Variants in KANSL1 observed in about 807,000 individuals in gnomAD.
KANSL1 encodes MLL1/MLL complex subunit KANSL1.
A neutral mutation model predicts 103.6 loss-of-function variants in KANSL1; 22 were observed. The ratio of observed to expected loss-of-function variants is 0.21; its 90% CI spans 0.15 to 0.30. KANSL1 has a LOEUF of 0.30. Ranked by LOEUF, KANSL1 falls within the 10% of genes least tolerant of loss-of-function variation. The probability of loss-of-function intolerance (pLI) is 1.00; values close to 1 mark genes in which losing one functional copy is unlikely to be tolerated. For synonymous variants in KANSL1, 600 were observed against 527.6 expected, an observed-to-expected ratio of 1.14 and a Z score of -1.88; for missense variants, 1,337 against 1,399.8, an observed-to-expected ratio of 0.96 and a Z score of 0.72.
intron 2 of KANSL1, among the ~76,000 whole-genome samples, chr17:46,116,479 G>A (rs1036591581): frequency 3.9e-5 from 6 of 152,182 alleles, no homozygotes; most frequent in East Asian, 1.9e-4. Flanking sequence ...GCAGTGAGCC[G>A]AGATGGCACC....
chr17:46,132,127 CAAA>C (rs1012201077), intron 2 of KANSL1, among the ~76,000 whole-genome samples: 1 of 142,030 alleles, frequency 7.0e-6, no homozygotes. Context: ...AACTCCATCT[CAAA>C]AAAAAAAAAG....
chr17:46,106,939 C>A (rs189893046), intron 2 of KANSL1, among the ~76,000 whole-genome samples: 71 of 152,252 alleles, frequency 4.7e-4, no homozygotes, highest in Non-Finnish European at 8.7e-4. Flanking sequence ...AATTATAAAT[C>A]CTGCAAATAA....
At chr17:46,074,298 T>C (rs977178854) in intron 4 of KANSL1, among the ~76,000 whole-genome samples, 3 of 152,116 alleles carry the variant, frequency 2.0e-5, no homozygotes, top group Admixed American at 2.0e-4. Flanking sequence ...AGTAATAGGT[T>C]ATAATCCATT....
chr17:46,094,488 G>T, intron 3 of KANSL1, 72 bp downstream of exon 3: 1 of 1,516,862 alleles, frequency 6.6e-7, no homozygotes, highest in East Asian at 2.3e-5. Flanking sequence ...TTACGAGGTG[G>T]GAGGGGATGT....
At chr17:46,143,065 T>TA (rs1417293085) in intron 2 of KANSL1, among the ~76,000 whole-genome samples, 1 of 152,212 alleles carries the variant, frequency 6.6e-6, no homozygotes, top group African/African-American at 2.4e-5. Flanking sequence ...TCCAACTCCT[T>TA]AAGTACACTG....
chr17:46,153,360 G>A (rs2045230732), intron 2 of KANSL1, among the ~76,000 whole-genome samples: 1 of 152,206 alleles, frequency 6.6e-6, no homozygotes, highest in Non-Finnish European at 1.5e-5. Context: ...GTTTTACTCG[G>A]TAAAATAGTA....
chr17:46,198,422 T>TAAAAAAA (rs58312564), upstream of KANSL1, among the ~76,000 whole-genome samples: 2 of 96,110 alleles, frequency 2.1e-5, no homozygotes, highest in Non-Finnish European at 3.9e-5. Context: ...CTACTTTAAT[T>TAAAAAAA]AAAAAAAAAA....
chr17:46,197,100 C>T (rs1441771216), upstream of KANSL1, among the ~76,000 whole-genome samples: 1 of 151,786 alleles, frequency 6.6e-6, no homozygotes, highest in Non-Finnish European at 1.5e-5. Flanking sequence ...GGCAACAGAG[C>T]AACACCCCGT....
At chr17:46,132,437 A>G (rs906459207) in intron 2 of KANSL1, among the ~76,000 whole-genome samples, 1 of 152,090 alleles carries the variant, frequency 6.6e-6, no homozygotes, top group Non-Finnish European at 1.5e-5. Context: ...CAATAATCCA[A>G]TTTTCCAGTC....
upstream of KANSL1, chr17:46,193,464 A>T (rs1228548350): frequency 6.6e-6 from 1 of 151,346 alleles, no homozygotes; most frequent in East Asian, 2.0e-4. Flanking sequence ...CGCCGGGGAC[A>T]CGGGGAGGAG....
chr17:46,212,761 T>G (rs536661671), intron 1 of KANSL1, among the ~76,000 whole-genome samples: 1 of 152,250 alleles, frequency 6.6e-6, no homozygotes, highest in Non-Finnish European at 1.5e-5. Flanking sequence ...TTTGCCAATA[T>G]ATGTTGCCAA....
intron 1 of KANSL1, among the ~76,000 whole-genome samples, chr17:46,221,001 T>G (rs1231938358): frequency 6.7e-6 from 1 of 149,132 alleles, no homozygotes; most frequent in Non-Finnish European, 1.5e-5. Context: ...AAGATCTTTT[T>G]TTTTTTTTTT....
intron 2 of KANSL1, among the ~76,000 whole-genome samples, chr17:46,105,757 G>C (rs1185459293): frequency 6.6e-6 from 1 of 152,146 alleles, no homozygotes; most frequent in Non-Finnish European, 1.5e-5. Context: ...TAAGGTCCCA[G>C]CTACTCAGTA....
intron 1 of KANSL1, among the ~76,000 whole-genome samples, chr17:46,208,549 G>A (rs1158989525): frequency 2.0e-5 from 3 of 151,618 alleles, no homozygotes; most frequent in Non-Finnish European, 4.4e-5. Context: ...GGGTTTAGGG[G>A]GCTGGAGGTT....
intron 4 of KANSL1, among the ~76,000 whole-genome samples, chr17:46,081,125 T>C (rs1173742498): frequency 1.3e-5 from 2 of 152,206 alleles, no homozygotes; most frequent in African/African-American, 4.8e-5. Context: ...AGTAACACAA[T>C]GGAGGACTGT....
At chr17:46,149,388 A>C (rs1416091083) in intron 2 of KANSL1, among the ~76,000 whole-genome samples, 1 of 152,244 alleles carries the variant, frequency 6.6e-6, no homozygotes, top group Non-Finnish European at 1.5e-5. Flanking sequence ...AACCAGAACA[A>C]CAATGAACAG....
In KANSL1 at chr17:46,116,461, C is replaced by G. The variant is rs553519160; in HGVS notation, c.1290-21760G>C. ...AGGAGAATGGTGTGAACTCGGGACA[C>G]GGAGCTTGCAGTGAGCCGAGATGGC... On this transcript the variant is annotated intron_variant, in intron 2 of 14. Transcript: ENST00000432791. 2.0e-5 allele frequency among the ~76,000 whole-genome samples: 3 copies of G among 152,284 alleles called. No homozygotes were observed. In the South Asian group the frequency reaches 6.2e-4, roughly 32 times the overall value.
Position 46,170,930 on chromosome 17 carries a change from C to G in KANSL1, c.1214G>C (p.Ser405Thr), listed in dbSNP as rs1428860749. 1 of 1,614,186 alleles carries G rather than the reference C, an allele frequency of 6.2e-7. No homozygotes were observed. The highest frequency in any genetic ancestry group is 1.7e-5 in the Admixed American group (1 of 60,026). The change falls in exon 2 of 15, where the codon AGT becomes ACT. Residue 405 changes from serine (S) to threonine (T), a missense_variant. Around this residue, in one of 2 missense-constraint regions of KANSL1, gnomAD observed 780 missense variants for 923.4 expected, o/e 0.84. Transcript: ENST00000432791. ...EQAFDSDVTDSSSGGESDIEE... is the reference protein window; with the variant it reads ...EQAFDSDVTDTSSGGESDIEE... The stretch of plus-strand genomic sequence containing the variant: ...AATATCAGACTCCCCTCCTGAACTA[C>G]TGTCAGTGACATCTGAATCAAATGC...
chr17:46,189,838 C>T (rs562342063), intron 1 of KANSL1, among the ~76,000 whole-genome samples: 12 of 145,600 alleles, frequency 8.2e-5, no homozygotes, highest in African/African-American at 3.1e-4. Context: ...ACCTGGGAGG[C>T]GGAGACTGCA....
Sources: allele counts gnomAD v4.1 joint callset (sites outside exome capture counted in the v4.1 genomes callset), GRCh38; gene constraint gnomAD v4.1.1; regional missense constraint gnomAD v4.1.1; transcripts MANE v1.5; gene names NCBI Gene and HGNC (gene_info 2026-07-23, HGNC 2026-07-21).